The following CNTNAP2 variants were observed in gnomAD, a reference collection of about 807,000 sequenced individuals.
CNTNAP2 encodes the protein contactin associated protein 2, also known as contactin-associated protein-like 2.
CNTNAP2 carries 98 observed loss-of-function variants against 155.2 expected under a neutral mutation model. The ratio of observed to expected loss-of-function variants is 0.63; its 90% confidence interval spans 0.54 to 0.75. The LOEUF is 0.75. CNTNAP2 is among the 30% of genes least tolerant of loss of function. The pLI is 0.00. For synonymous variants in CNTNAP2, 651 were observed against 631.2 expected, an observed-to-expected ratio of 1.03 and a Z score of -0.47; for missense variants, 1,727 against 1,688.1, an observed-to-expected ratio of 1.02 and a Z score of -0.40.
intron 11 of CNTNAP2, among the ~76,000 whole-genome samples, chr7:147,542,882 C>A (rs1294518822): frequency 4.6e-5 from 7 of 152,168 alleles, no homozygotes; most frequent in Non-Finnish European, 2.9e-5. Context: ...TTAAATATTT[C>A]AATCTTTTCT....
chr7:147,906,121 A>G (rs1393782028), intron 14 of CNTNAP2, among the ~76,000 whole-genome samples: 7 of 152,116 alleles, frequency 4.6e-5, no homozygotes, highest in African/African-American at 1.7e-4. Context: ...CAGTTTTGAA[A>G]ACATTAAGGC....
chr7:148,295,897 G>A (rs1005037949), intron 21 of CNTNAP2, among the ~76,000 whole-genome samples: 2 of 152,158 alleles, frequency 1.3e-5, no homozygotes, highest in African/African-American at 4.8e-5. Context: ...CATTATCGCT[G>A]TAAAAAGCAA....
intron 3 of CNTNAP2, among the ~76,000 whole-genome samples, chr7:147,021,074 G>A (rs13239830): frequency 0.054 from 8,235 of 152,216 alleles, 293 homozygotes; most frequent in African/African-American, 0.097. Context: ...AGTTCAATGA[G>A]CATCCAAAAG....
At position 147,478,001 on chromosome 7, in the gene CNTNAP2, G is replaced by A. The variant is rs534074653; in HGVS notation, c.1671-7934G>A. On this transcript the variant is annotated intron_variant, in intron 10 of 23. Coordinates refer to ENST00000361727, the MANE Select transcript of CNTNAP2 (RefSeq NM_014141.6). Reference sequence around the variant, plus strand: ...TTCAGTTTTTTCAGCTGCATATAACGCAACACATAAATGACTTAAATAATA... The same window carrying A: ...TTCAGTTTTTTCAGCTGCATATAACACAACACATAAATGACTTAAATAATA... 9.9e-4 allele frequency among the ~76,000 whole-genome samples: 151 copies of A among 152,126 alleles called. 1 individual carries two copies. The highest frequency in any genetic ancestry group is 2.9e-3 in the Admixed American group (45 of 15,286).
At chr7:146,317,793 G>A (rs1800933636) in intron 1 of CNTNAP2, among the ~76,000 whole-genome samples, 1 of 152,192 alleles carries the variant, frequency 6.6e-6, no homozygotes, top group Non-Finnish European at 1.5e-5. Context: ...AGTACACACA[G>A]TTAACTCAAT....
chr7:147,153,061 C>G (rs998829070), intron 8 of CNTNAP2, among the ~76,000 whole-genome samples: 3 of 151,686 alleles, frequency 2.0e-5, no homozygotes, highest in African/African-American at 7.3e-5. Flanking sequence ...GGAAGAAAAT[C>G]ATAAAGATAG....
At chr7:146,308,966 T>G (rs1800771193) in intron 1 of CNTNAP2, among the ~76,000 whole-genome samples, 1 of 152,016 alleles carries the variant, frequency 6.6e-6, no homozygotes, top group African/African-American at 2.4e-5. Context: ...CCACAGAACC[T>G]AAATTATAAT....
intron 1 of CNTNAP2, among the ~76,000 whole-genome samples, chr7:146,727,226 T>A (rs902886102): frequency 6.6e-6 from 1 of 152,168 alleles, no homozygotes; most frequent in Non-Finnish European, 1.5e-5. Context: ...TTACACAGTG[T>A]CCTTTGCATT....
At chr7:146,728,724 C>A (rs1801475359) in intron 1 of CNTNAP2, among the ~76,000 whole-genome samples, 1 of 151,988 alleles carries the variant, frequency 6.6e-6, no homozygotes, top group Admixed American at 6.6e-5. Context: ...ATAAAATCCT[C>A]AGCTTTCTGT....
chr7:146,741,750 A>G (rs1801720164), intron 1 of CNTNAP2, among the ~76,000 whole-genome samples: 1 of 152,174 alleles, frequency 6.6e-6, no homozygotes, highest in Admixed American at 6.5e-5. Flanking sequence ...ACAGATTTGA[A>G]TATTGCATGA....
chr7:146,936,431 C>A (rs1796915638), intron 3 of CNTNAP2, among the ~76,000 whole-genome samples: 1 of 152,202 alleles, frequency 6.6e-6, no homozygotes, highest in Non-Finnish European at 1.5e-5. Flanking sequence ...CACTGTTCTA[C>A]TGTTTTCCAG....
intron 13 of CNTNAP2, among the ~76,000 whole-genome samples, chr7:147,730,575 G>T (rs183606377): frequency 1.2e-3 from 180 of 151,958 alleles, no homozygotes; most frequent in Non-Finnish European, 2.3e-3. Context: ...CTGCTCCACC[G>T]ACCAGCCATT....
At chr7:147,812,110 G>A (rs915362220) in intron 13 of CNTNAP2, among the ~76,000 whole-genome samples, 1 of 152,110 alleles carries the variant, frequency 6.6e-6, no homozygotes, top group African/African-American at 2.4e-5. Flanking sequence ...ATTTATGAGA[G>A]AGTTGGAAGA....
intron 9 of CNTNAP2, among the ~76,000 whole-genome samples, chr7:147,304,009 A>G (rs1794985804): frequency 6.6e-6 from 1 of 152,188 alleles, no homozygotes; most frequent in African/African-American, 2.4e-5. Context: ...TTTTGTTTCC[A>G]AACCCTTAAA....
intron 9 of CNTNAP2, among the ~76,000 whole-genome samples, chr7:147,370,445 A>G (rs1307079236): frequency 6.6e-6 from 1 of 152,220 alleles, no homozygotes; most frequent in Non-Finnish European, 1.5e-5. Context: ...GACTGGCTCA[A>G]GAAAACTGAT....
intron 14 of CNTNAP2, among the ~76,000 whole-genome samples, chr7:147,921,249 A>G (rs1221692997): frequency 6.6e-6 from 1 of 152,192 alleles, no homozygotes; most frequent in African/African-American, 2.4e-5. Flanking sequence ...CATTTATGGC[A>G]GACGCCATTT....
intron 1 of CNTNAP2, among the ~76,000 whole-genome samples, chr7:146,734,064 T>C (rs1410792296): frequency 6.6e-6 from 1 of 152,106 alleles, no homozygotes; most frequent in African/African-American, 2.4e-5. Context: ...AAAATAATAA[T>C]AATAAAGATG....
chr7:148,074,818 C>T (rs569223511), intron 15 of CNTNAP2, among the ~76,000 whole-genome samples: 1 of 152,242 alleles, frequency 6.6e-6, no homozygotes, highest in East Asian at 1.9e-4. Flanking sequence ...AGTTTACAGG[C>T]CAATGACACA....
intron 13 of CNTNAP2, among the ~76,000 whole-genome samples, chr7:147,703,106 A>G (rs554433032): frequency 2.6e-5 from 4 of 152,232 alleles, no homozygotes; most frequent in Non-Finnish European, 4.4e-5. Flanking sequence ...TGACCTGCCC[A>G]TTCTAACCAC....
Sources: allele counts gnomAD v4.1 joint callset (sites outside exome capture counted in the v4.1 genomes callset), GRCh38; gene constraint gnomAD v4.1.1; transcripts MANE v1.5; gene names NCBI Gene and HGNC (gene_info 2026-07-23, HGNC 2026-07-21).